TBC1D9: variants seen among roughly 807,000 people sequenced by gnomAD.
TBC1D9 encodes the protein TBC1 domain family member 9, also known as TBC1 domain family member 9A.
TBC1D9 carries 63 observed loss-of-function variants against 132.0 expected under a neutral mutation model. That is an observed-to-expected ratio of 0.48 (90% confidence interval 0.39 to 0.59). The LOEUF (loss-of-function observed/expected upper bound fraction) is 0.59, where lower values mean the gene tolerates loss of function less well. Among genes scored for constraint, TBC1D9 ranks in the 20% least tolerant of loss-of-function variants. The pLI, the probability that TBC1D9 is intolerant of heterozygous loss-of-function variation, is 0.00. For missense variants in TBC1D9, 1,261 were observed against 1,592.7 expected, an observed-to-expected ratio of 0.79 and a Z score of 3.54; for synonymous variants, 610 against 609.9, an observed-to-expected ratio of 1.00 and a Z score of 0.00.
chr4:140,711,243 T>C (rs1181752853), intron 1 of TBC1D9, among the ~76,000 whole-genome samples: 2 of 152,146 alleles, frequency 1.3e-5, no homozygotes, highest in Non-Finnish European at 2.9e-5. Flanking sequence ...CAACAGGAAG[T>C]TATATTGATT....
chr4:140,708,672 C>T (rs10009007), intron 1 of TBC1D9, among the ~76,000 whole-genome samples: 5,683 of 152,086 alleles, frequency 0.037, 135 homozygotes, highest in Middle Eastern at 0.099. Flanking sequence ...ATTATAAATG[C>T]GCCAGAGTTC....
In TBC1D9 at chr4:140,633,940, G is replaced by T. The variant is rs558238370; in HGVS notation, c.2746+8C>A. 2 of 1,613,538 alleles carry T rather than the reference G, an allele frequency of 1.2e-6. No homozygotes were observed. Among genetic ancestry groups the T allele is most frequent in the African/African-American group, 2.7e-5 (2 of 74,892 alleles). ...ATCCCAACTCATGCAATAGTACCAC[G>T]TCCTTACTTAGCCCAGAGACAAACT... On this transcript the variant is annotated splice_region_variant and intron_variant, in intron 16 of 20. Coordinates refer to ENST00000442267, the MANE Select transcript of TBC1D9 (RefSeq NM_015130.3).
At chr4:140,729,826 A>AAAAC (rs1738560037) in intron 1 of TBC1D9, among the ~76,000 whole-genome samples, 1 of 149,350 alleles carries the variant, frequency 6.7e-6, no homozygotes, top group African/African-American at 2.5e-5. Context: ...CTCAAAAAAA[A>AAAAC]AAAAAAAAAA....
Position 140,729,818 on chromosome 4 carries a change from CAAAA to C in TBC1D9, c.130+26094_130+26097del, listed in dbSNP as rs35283552. ...CTGGTGACAGAGCAAGATTCCATCT[CAAAA>C]AAAAAAAAAAAAAAAAAAAAAAATC... On this transcript the variant is annotated intron_variant, in intron 1 of 20. Coordinates refer to ENST00000442267, the MANE Select transcript of TBC1D9 (RefSeq NM_015130.3). 3.7e-4 allele frequency among the ~76,000 whole-genome samples: 19 copies of C among 51,918 alleles called. No individual in the cohort carries two copies. In the South Asian group the frequency reaches 4.1e-3, roughly 11 times the overall value. 34.1% of individuals were successfully genotyped at this position (51,918 alleles called of 152,430 possible).
intron 1 of TBC1D9, among the ~76,000 whole-genome samples, chr4:140,715,072 A>T (rs1397935550): frequency 6.6e-6 from 1 of 152,198 alleles, no homozygotes; most frequent in Non-Finnish European, 1.5e-5. Context: ...TGCAGTAAGC[A>T]GTAGCCCCAC....
chr4:140,660,021 C>T (rs1180786975), intron 10 of TBC1D9, among the ~76,000 whole-genome samples: 1 of 152,164 alleles, frequency 6.6e-6, no homozygotes, highest in Non-Finnish European at 1.5e-5. Flanking sequence ...AAAAATTTGC[C>T]CAAAGGCTAT....
rs759724651 is a variant in TBC1D9, at chr4:140,634,150, G to T, written c.2544C>A (p.Ser848Arg). ...TGGGGTCATGCCGGTCCAGCGCGTT[G>T]CTGCTCCCGCCCCAGTAGCAGCTGG... The part of the protein sequence containing the change: ...HLTSCYWGGS[S>R]NALDRHDPSL... The change falls in exon 16 of 21, where the codon AGC (serine) becomes AGA (arginine). Residue 848 changes from serine (S) to arginine (R), a missense_variant. Ser to Arg is a moderately radical substitution (Grantham distance 110). Coordinates refer to ENST00000442267, the MANE Select transcript of TBC1D9 (RefSeq NM_015130.3). The T allele has an allele frequency of 6.2e-7, 1 of 1,613,766 alleles. No individual in the cohort carries two copies. The highest frequency in any genetic ancestry group is 2.2e-5 in the East Asian group (1 of 44,884).
intron 1 of TBC1D9, among the ~76,000 whole-genome samples, chr4:140,727,336 G>A (rs1220138196): frequency 1.3e-5 from 2 of 152,154 alleles, no homozygotes; most frequent in African/African-American, 2.4e-5. Context: ...CCTGGCTCCT[G>A]CATCTACTTT....
intron 13 of TBC1D9, chr4:140,645,321 C>A: frequency 2.0e-6 from 1 of 504,900 alleles, no homozygotes; most frequent in Non-Finnish European, 3.9e-6. Flanking sequence ...AGCCCAGGCC[C>A]CAGCCAGCCA....
chr4:140,714,098 C>A (rs899217803), intron 1 of TBC1D9, among the ~76,000 whole-genome samples: 5 of 152,268 alleles, frequency 3.3e-5, no homozygotes, highest in East Asian at 3.9e-4. Flanking sequence ...CCTTGTGCAG[C>A]CTTTCACCAG....
intron 1 of TBC1D9, among the ~76,000 whole-genome samples, chr4:140,709,334 G>C (rs951106322): frequency 6.8e-6 from 1 of 147,818 alleles, no homozygotes; most frequent in Non-Finnish European, 1.5e-5. Context: ...AGAAGTCTAA[G>C]AAATACACTG....
At chr4:140,742,687 A>C (rs1361273122) in intron 1 of TBC1D9, among the ~76,000 whole-genome samples, 1 of 152,112 alleles carries the variant, frequency 6.6e-6, no homozygotes, top group Non-Finnish European at 1.5e-5. Context: ...TTCAAATTAC[A>C]AATTTCTAGT....
chr4:140,725,963 G>A (rs1578857703), intron 1 of TBC1D9, among the ~76,000 whole-genome samples: 2 of 152,078 alleles, frequency 1.3e-5, no homozygotes, highest in Non-Finnish European at 1.5e-5. Flanking sequence ...TAAATATATT[G>A]TTACTCAAAA....
At chr4:140,623,445 G>C (rs1736656531) in intron 20 of TBC1D9, among the ~76,000 whole-genome samples, 1 of 152,166 alleles carries the variant, frequency 6.6e-6, no homozygotes, top group African/African-American at 2.4e-5. Flanking sequence ...TCCATGTACA[G>C]CTCACCTCGA....
At position 140,654,474 on chromosome 4, in the gene TBC1D9, T is replaced by TGGG. The variant is rs60769293; in HGVS notation, c.2337+2620_2337+2622dup. ...AAAAAGGAGAAAAAGAAGAAAGGGGTGGGGGGGGGTACTACGAATTAAAGA... is the reference window on the plus strand; with the variant it reads ...AAAAAGGAGAAAAAGAAGAAAGGGGTGGGGGGGGGGGGTACTACGAATTAAAGA... On this transcript the variant is annotated intron_variant, in intron 13 of 20. Transcript: ENST00000442267. Among the ~76,000 whole-genome samples the TGGG allele has an allele frequency of 1.9e-4, 23 of 120,572 alleles. No individual in the cohort carries two copies. In the East Asian group the frequency reaches 2.4e-3, roughly 12 times the overall value. The allele number at this position is 120,572 out of a possible 152,430, so 79.1% of individuals were successfully genotyped here.
chr4:140,695,214 C>T (rs909961792), intron 2 of TBC1D9, among the ~76,000 whole-genome samples: 1 of 152,196 alleles, frequency 6.6e-6, no homozygotes, highest in Non-Finnish European at 1.5e-5. Flanking sequence ...GACCTGAGAA[C>T]TTGGTCTGAG....
chr4:140,728,534 C>A (rs2111064963), intron 1 of TBC1D9, among the ~76,000 whole-genome samples: 1 of 152,180 alleles, frequency 6.6e-6, no homozygotes, highest in Middle Eastern at 3.4e-3. Flanking sequence ...TACTCTGTCA[C>A]CCAGGCTGGA....
At chr4:140,643,791 C>A (rs1286866624) in intron 13 of TBC1D9, 2 of 854,126 alleles carry the variant, frequency 2.3e-6, no homozygotes, top group Non-Finnish European at 3.7e-6. Context: ...GGGCTCGGTG[C>A]AGCCCTGCCC....
At chr4:140,735,694 G>C (rs2111072493) in intron 1 of TBC1D9, among the ~76,000 whole-genome samples, 1 of 152,310 alleles carries the variant, frequency 6.6e-6, no homozygotes, top group Admixed American at 6.5e-5. Flanking sequence ...CCAGATGACA[G>C]AGCAAAACCC....
Sources: gnomAD v4.1 joint callset for allele counts (sites outside exome capture counted in the v4.1 genomes callset) on GRCh38, gnomAD v4.1.1 for gene constraint, MANE v1.5 for transcripts, NCBI Gene and HGNC (gene_info 2026-07-23, HGNC 2026-07-21) for gene names.